The following CSMD1 variants were observed in gnomAD, a reference collection of about 807,000 sequenced individuals.
The protein encoded by CSMD1 is CUB and sushi domain-containing protein 1.
CSMD1 carries 213 observed loss-of-function variants against 417.5 expected under a neutral mutation model. The ratio of observed to expected loss-of-function variants is 0.51; its 90% CI spans 0.46 to 0.57. The LOEUF is 0.57. Among genes scored for constraint, CSMD1 ranks in the 20% least tolerant of loss-of-function variants. The pLI is 0.00. For synonymous variants in CSMD1, 2,862 were observed against 1,736.8 expected (o/e 1.65, Z -16.11); for missense variants, 6,923 against 4,529.7 (o/e 1.53, Z -15.17).
intron 2 of CSMD1, among the ~76,000 whole-genome samples, chr8:4,614,171 T>A (rs1366240678): frequency 2.6e-5 from 4 of 152,142 alleles, no homozygotes; most frequent in African/African-American, 9.7e-5. Flanking sequence ...TAGTTATGCA[T>A]GAAAGACATT....
chr8:3,040,050 A>T (rs1175431470), intron 50 of CSMD1, among the ~76,000 whole-genome samples: 1 of 152,156 alleles, frequency 6.6e-6, no homozygotes, highest in Non-Finnish European at 1.5e-5. Flanking sequence ...AGGGGTGAAA[A>T]GGAGTCTCCT....
At chr8:4,553,706 C>T (rs118080891) in intron 2 of CSMD1, among the ~76,000 whole-genome samples, 57 of 152,212 alleles carry the variant, frequency 3.7e-4, no homozygotes, top group Non-Finnish European at 6.3e-4. Context: ...TCTAGAGTGA[C>T]GTTAATTGTG....
chr8:3,724,731 T>A (rs1414075929), intron 6 of CSMD1, among the ~76,000 whole-genome samples: 4 of 152,186 alleles, frequency 2.6e-5, no homozygotes, highest in African/African-American at 4.8e-5. Context: ...GCCTTCTAAG[T>A]GAAAATTAGT....
At chr8:4,366,041 A>G (rs1439661385) in intron 3 of CSMD1, among the ~76,000 whole-genome samples, 1 of 152,158 alleles carries the variant, frequency 6.6e-6, no homozygotes, top group Non-Finnish European at 1.5e-5. Flanking sequence ...TAGTGAGCAC[A>G]GTACCTGACA....
chr8:4,193,935 G>A (rs1339954491), intron 3 of CSMD1, among the ~76,000 whole-genome samples: 1 of 151,750 alleles, frequency 6.6e-6, no homozygotes, highest in African/African-American at 2.4e-5. Flanking sequence ...TTTAATGGTG[G>A]GAGGTGGGGC....
intron 10 of CSMD1, among the ~76,000 whole-genome samples, chr8:3,514,263 C>T (rs951147973): frequency 3.3e-5 from 5 of 152,072 alleles, no homozygotes; most frequent in Non-Finnish European, 7.3e-5. Flanking sequence ...CTCAGGAAGC[C>T]ATTATAAATG....
intron 2 of CSMD1, among the ~76,000 whole-genome samples, chr8:4,445,363 A>C (rs1798721024): frequency 6.6e-6 from 1 of 152,200 alleles, no homozygotes; most frequent in South Asian, 2.1e-4. Context: ...TTTCCTTAAT[A>C]TCTCATTTGA....
At chr8:4,526,966 T>C (rs1298350242) in intron 2 of CSMD1, among the ~76,000 whole-genome samples, 1 of 152,208 alleles carries the variant, frequency 6.6e-6, no homozygotes, top group Non-Finnish European at 1.5e-5. Flanking sequence ...AACCCAACTG[T>C]AGATACCATC....
At chr8:3,185,719 G>C (rs1009266045) in intron 36 of CSMD1, among the ~76,000 whole-genome samples, 1 of 152,244 alleles carries the variant, frequency 6.6e-6, no homozygotes, top group East Asian at 1.9e-4. Context: ...GACAAAACGT[G>C]GCAAGACACA....
At chr8:3,866,531 AC>A in intron 5 of CSMD1, among the ~76,000 whole-genome samples, 1 of 152,202 alleles carries the variant, frequency 6.6e-6, no homozygotes, top group South Asian at 2.1e-4. Flanking sequence ...TCTAATGTGT[AC>A]GTTTTGGTCT....
At chr8:4,667,826 C>T (rs1313219809) in intron 1 of CSMD1, among the ~76,000 whole-genome samples, 1 of 152,142 alleles carries the variant, frequency 6.6e-6, no homozygotes, top group Non-Finnish European at 1.5e-5. Context: ...TTTTATCCTT[C>T]CAATTTGTAA....
At chr8:4,100,726 C>G (rs923462007) in intron 3 of CSMD1, among the ~76,000 whole-genome samples, 5 of 152,160 alleles carry the variant, frequency 3.3e-5, no homozygotes, top group African/African-American at 1.2e-4. Flanking sequence ...AACTTCCACA[C>G]TGCTGTTCTA....
chr8:4,874,314 T>C (rs528000377), intron 1 of CSMD1, among the ~76,000 whole-genome samples: 33 of 151,918 alleles, frequency 2.2e-4, no homozygotes, highest in Non-Finnish European at 4.1e-4. Flanking sequence ...AATTAGTTTA[T>C]TTTAATTTGC....
chr8:4,760,564 A>G (rs1181114004), intron 1 of CSMD1, among the ~76,000 whole-genome samples: 1 of 152,222 alleles, frequency 6.6e-6, no homozygotes, highest in Non-Finnish European at 1.5e-5. Flanking sequence ...GCAAGCAGGA[A>G]TATTTTTATT....
intron 10 of CSMD1, among the ~76,000 whole-genome samples, chr8:3,532,215 T>C (rs1475301623): frequency 1.3e-5 from 2 of 152,178 alleles, no homozygotes; most frequent in East Asian, 1.9e-4. Flanking sequence ...GTGTCCTTGA[T>C]TTCCTTGGGT....
intron 20 of CSMD1, among the ~76,000 whole-genome samples, chr8:3,364,961 A>G (rs776760507): frequency 6.6e-6 from 1 of 152,236 alleles, no homozygotes; most frequent in Non-Finnish European, 1.5e-5. Context: ...GAATTTGCAC[A>G]GACTTCTGAG....
chr8:4,270,766 C>A (rs137941531), intron 3 of CSMD1, among the ~76,000 whole-genome samples: 1 of 152,182 alleles, frequency 6.6e-6, no homozygotes, highest in Non-Finnish European at 1.5e-5. Context: ...ATCACCTGCA[C>A]GGCACCCCCC....
chr8:3,448,762 A>T (rs143339255), intron 12 of CSMD1, among the ~76,000 whole-genome samples: 3 of 152,268 alleles, frequency 2.0e-5, no homozygotes, highest in African/African-American at 7.2e-5. Flanking sequence ...TACAGAGAAA[A>T]GCTTTAGACA....
intron 5 of CSMD1, among the ~76,000 whole-genome samples, chr8:3,919,419 G>T (rs777020199): frequency 6.6e-6 from 1 of 151,850 alleles, no homozygotes; most frequent in Non-Finnish European, 1.5e-5. Flanking sequence ...TGTCTTTTTG[G>T]CATGTTTTTT....
Sources: allele counts gnomAD v4.1 joint callset (sites outside exome capture counted in the v4.1 genomes callset), GRCh38; gene constraint gnomAD v4.1.1; transcripts MANE v1.5; gene names NCBI Gene and HGNC (gene_info 2026-07-23, HGNC 2026-07-21).